UBA5: variants seen among roughly 807,000 people sequenced by gnomAD.
The protein encoded by UBA5 is ubiquitin like modifier activating enzyme 5.
UBA5 carries 28 observed loss-of-function variants against 52.9 expected under a neutral mutation model. The ratio of observed to expected loss-of-function variants is 0.53; its 90% CI spans 0.39 to 0.73. The LOEUF is 0.73. Ranked by LOEUF, UBA5 falls within the 30% of genes least tolerant of loss-of-function variation. The probability of loss-of-function intolerance (pLI) is 0.00; values close to 1 mark genes in which losing one functional copy is unlikely to be tolerated. For missense variants in UBA5, 388 were observed against 492.7 expected (o/e 0.79, Z 2.01); for synonymous variants, 135 against 162.1 (o/e 0.83, Z 1.27).
chr3:132,672,024 T>G (rs1487915497), intron 7 of UBA5, 26 bp from the exon 8 acceptor site: 14 of 1,609,204 alleles, frequency 8.7e-6, no homozygotes, highest in East Asian at 2.2e-5. Flanking sequence ...TCTTTTTTTT[T>G]GAAATGTGTT....
Position 132,660,842 on chromosome 3 carries a change from A to G in UBA5, c.161+144A>G, listed in dbSNP as rs933025115. 6.9e-7 allele frequency: 1 copy of G among 1,447,952 alleles called. No homozygotes were observed. Among genetic ancestry groups the G allele is most frequent in the Non-Finnish European group, 9.1e-7 (1 of 1,099,598 alleles). 89.7% of individuals were successfully genotyped at this position (1,447,952 alleles called of 1,614,324 possible). A position where few individuals can be genotyped will look rare whatever the true frequency, so the allele number is the denominator to read the frequency against. Reference sequence around the variant, plus strand: ...TGCGAATCCTGTTCCCAAATGGGCAAGGCCACATCTTAGTACTGATCGGAA... The same window carrying G: ...TGCGAATCCTGTTCCCAAATGGGCAGGGCCACATCTTAGTACTGATCGGAA... On this transcript the variant is annotated intron_variant, in intron 1 of 11. Coordinates refer to ENST00000356232, the MANE Select transcript of UBA5 (RefSeq NM_024818.6). This position sits in a 1 kb window ranked among gnomAD's most constrained non-coding sequence, Gnocchi z 4.1.
Position 132,679,321 on chromosome 3 carries a change from A to G in UBA5, c.*2795A>G, listed in dbSNP as rs1938959303. Among the ~76,000 whole-genome samples, 1 of 152,126 alleles carries G rather than the reference A, an allele frequency of 6.6e-6. No homozygotes were observed. Among genetic ancestry groups the G allele is most frequent in the Admixed American group, 6.5e-5 (1 of 15,274 alleles). Reference sequence around the variant, plus strand: ...TATAACTAGAATAAGTACTCTAACAATTCAGATTTATAATTGAGTTGTCTG... The same window carrying G: ...TATAACTAGAATAAGTACTCTAACAGTTCAGATTTATAATTGAGTTGTCTG... On this transcript the variant is annotated 3_prime_UTR_variant, in exon 12 of 12. Coordinates refer to ENST00000356232, the MANE Select transcript of UBA5 (RefSeq NM_024818.6).
chr3:132,654,853 C>T (rs568221454), intron 1 of UBA5, among the ~76,000 whole-genome samples: 8 of 152,284 alleles, frequency 5.3e-5, no homozygotes, highest in East Asian at 1.9e-4. Context: ...GGCACTGATT[C>T]GTTGTGAAAC....
chr3:132,659,605 G>A (rs779936725), upstream of UBA5: 13 of 1,611,294 alleles, frequency 8.1e-6, no homozygotes, highest in East Asian at 2.2e-5. Flanking sequence ...ATCCATACCT[G>A]TACTGGGCAA....
At chr3:132,670,144 C>A in intron 4 of UBA5, 54 bp from the exon 5 acceptor site, 2 of 883,530 alleles carry the variant, frequency 2.3e-6, no homozygotes, top group East Asian at 2.7e-5. Flanking sequence ...CCCACCACAG[C>A]CTCTTGAAAT....
At chr3:132,668,023 C>T (rs1938445998) in intron 3 of UBA5, 1 of 151,610 alleles carries the variant, frequency 6.6e-6, no homozygotes, top group South Asian at 2.1e-4. Flanking sequence ...AAAAGAAAAT[C>T]CCATTTTTGT....
upstream of UBA5, among the ~76,000 whole-genome samples, chr3:132,655,469 G>A (rs1302023909): frequency 6.6e-6 from 1 of 152,100 alleles, no homozygotes; most frequent in Non-Finnish European, 1.5e-5. Flanking sequence ...AGGCATTTGG[G>A]CTGTGTTTCC....
chr3:132,676,970 C>T lies in UBA5; in HGVS notation c.*444C>T, dbSNP rs999960721. The T allele has an allele frequency of 7.4e-6, 3 of 403,650 alleles. No homozygotes were observed. Among genetic ancestry groups the T allele is most frequent in the African/African-American group, 4.1e-5 (2 of 48,620 alleles). 25.0% of individuals were successfully genotyped at this position (403,650 alleles called of 1,614,324 possible). On this transcript the variant is annotated 3_prime_UTR_variant, in exon 12 of 12. Transcript: ENST00000356232. The surrounding 1 kb of genome is among the most constrained non-coding windows in gnomAD (Gnocchi z 4.1). ...TGATTAGAGCTGGCAAGCATCTGCTCATTATGTTTGGAATTGCTTTCTATA... is the reference window on the plus strand; with the variant it reads ...TGATTAGAGCTGGCAAGCATCTGCTTATTATGTTTGGAATTGCTTTCTATA...
Position 132,678,191 on chromosome 3 carries a change from CCTAA to C in UBA5, c.*1668_*1671del, listed in dbSNP as rs1480216442. On this transcript the variant is annotated 3_prime_UTR_variant, in exon 12 of 12. Coordinates refer to ENST00000356232, the MANE Select transcript of UBA5 (RefSeq NM_024818.6). ...ACTGCACCAAATGTTACCTAATTGA[CCTAA>C]CTTTTTTTGTCTAATATCTTTCATT... 1 of 152,014 alleles carries C rather than the reference CCTAA, an allele frequency of 6.6e-6. No individual in the cohort carries two copies. Among genetic ancestry groups the C allele is most frequent in the African/African-American group, 2.4e-5 (1 of 41,392 alleles). The allele number at this position is 152,014 out of a possible 1,614,324, so 9.4% of individuals were successfully genotyped here. A position where few individuals can be genotyped will look rare whatever the true frequency, so the allele number is the denominator to read the frequency against.
chr3:132,664,065 T>C (rs75491911), intron 1 of UBA5, among the ~76,000 whole-genome samples: 5,744 of 152,128 alleles, frequency 0.038, 361 homozygotes, highest in African/African-American at 0.13. Context: ...TTCCAAATAA[T>C]AGGAGTTCCA....
intron 4 of UBA5, among the ~76,000 whole-genome samples, chr3:132,669,372 T>TC (rs1181816212): frequency 6.6e-6 from 1 of 152,132 alleles, no homozygotes; most frequent in Non-Finnish European, 1.5e-5. Flanking sequence ...GCTCAAGCTA[T>TC]CTTCGCATCT....
In UBA5 at chr3:132,679,667, G is replaced by A. The variant is rs1405069751; in HGVS notation, c.*3141G>A. On this transcript the variant is annotated 3_prime_UTR_variant, in exon 12 of 12. Coordinates refer to ENST00000356232, the MANE Select transcript of UBA5 (RefSeq NM_024818.6). Reference sequence around the variant, plus strand: ...TTCCTTTTATCAGGGTTCTTCTAGAGTACTGGTCTCATTATTTTCTAAAGC... The same window carrying A: ...TTCCTTTTATCAGGGTTCTTCTAGAATACTGGTCTCATTATTTTCTAAAGC... Among the ~76,000 whole-genome samples the A allele has an allele frequency of 6.6e-6, 1 of 152,120 alleles. No individual in the cohort carries two copies. Among genetic ancestry groups the A allele is most frequent in the East Asian group, 1.9e-4 (1 of 5,200 alleles).
In UBA5 at chr3:132,666,013, A is replaced by G. The variant is rs759250524; in HGVS notation, c.237A>G (p.Val79=). The G allele has an allele frequency of 2.9e-5, 47 of 1,613,518 alleles. No homozygotes were observed. Among genetic ancestry groups the G allele is most frequent in the Middle Eastern group, 1.6e-4 (1 of 6,084 alleles). The change falls in exon 3 of 12, where the codon GTA becomes GTG. Residue 79 remains valine (V), a synonymous_variant. Coordinates refer to ENST00000356232, the MANE Select transcript of UBA5 (RefSeq NM_024818.6). ...TCCGTACCTTTGCCGTAGCAATAGTAGGTGTTGGTGGAGTAGGTAGTGTGA... is the reference window on the plus strand; with the variant it reads ...TCCGTACCTTTGCCGTAGCAATAGTGGGTGTTGGTGGAGTAGGTAGTGTGA... ...EKIRTFAVAI[V]GVGGVGSVTA...
At chr3:132,671,993 T>C (rs1398775465) in intron 7 of UBA5, 57 bp from the exon 8 acceptor site, 1 of 1,608,686 alleles carries the variant, frequency 6.2e-7, no homozygotes, top group Admixed American at 1.7e-5. Flanking sequence ...GAATACTATT[T>C]GGAACATCTC....
rs374489240 is a variant in UBA5 at position 132,671,069 on chromosome 3, A to G, written c.579+20A>G. The G allele has an allele frequency of 1.3e-6, 2 of 1,586,110 alleles. No individual in the cohort carries two copies. Among genetic ancestry groups the G allele is most frequent in the Non-Finnish European group, 1.7e-6 (2 of 1,155,704 alleles). On this transcript the variant is annotated intron_variant, in intron 6 of 11. Coordinates refer to ENST00000356232, the MANE Select transcript of UBA5 (RefSeq NM_024818.6). Reference sequence around the variant, plus strand: ...AATACAGTGAGTATTCCTGCTGTGCAAGATATATTCATGGATTTATCTGTT... The same window carrying G: ...AATACAGTGAGTATTCCTGCTGTGCGAGATATATTCATGGATTTATCTGTT...
chr3:132,656,746 C>T (rs1447758000), upstream of UBA5, among the ~76,000 whole-genome samples: 1 of 152,120 alleles, frequency 6.6e-6, no homozygotes, highest in African/African-American at 2.4e-5. Flanking sequence ...CCTGCTTCAG[C>T]CTCCCAAAGT....
upstream of UBA5, among the ~76,000 whole-genome samples, chr3:132,657,727 T>C (rs1399925636): frequency 6.6e-6 from 1 of 152,210 alleles, no homozygotes; most frequent in African/African-American, 2.4e-5. Flanking sequence ...ATGCAGTTGA[T>C]TTCTGTACAC....
At chr3:132,674,144 C>A (rs1938727898) in intron 8 of UBA5, among the ~76,000 whole-genome samples, 2 of 152,094 alleles carry the variant, frequency 1.3e-5, no homozygotes, top group South Asian at 4.1e-4. Flanking sequence ...AAAAAACAGG[C>A]ATTTAATTTT....
intron 4 of UBA5, among the ~76,000 whole-genome samples, chr3:132,669,216 T>A (rs1317598643): frequency 6.6e-6 from 1 of 152,152 alleles, no homozygotes; most frequent in East Asian, 1.9e-4. Flanking sequence ...CCAAGAAAAT[T>A]CTATTTTTGG....
Sources: allele counts gnomAD v4.1 joint callset (sites outside exome capture counted in the v4.1 genomes callset), GRCh38; gene constraint gnomAD v4.1.1; non-coding constraint Gnocchi (gnomAD v3.1); transcripts MANE v1.5; gene names NCBI Gene and HGNC (gene_info 2026-07-23, HGNC 2026-07-21).